SLC39A8: variants seen among roughly 807,000 people sequenced by gnomAD.
SLC39A8 encodes solute carrier family 39 member 8.
Under a neutral mutation model 40.4 loss-of-function variants are expected in SLC39A8, and 15 were observed. The ratio of observed to expected loss-of-function variants is 0.37; its 90% CI spans 0.25 to 0.57. SLC39A8 has a LOEUF of 0.57. SLC39A8 is among the 20% of genes least tolerant of loss of function. The probability of loss-of-function intolerance (pLI) is 0.75; values close to 1 mark genes in which losing one functional copy is unlikely to be tolerated. For missense variants in SLC39A8, 472 were observed against 558.8 expected (o/e 0.84, Z 1.57); for synonymous variants, 223 against 221.6 (o/e 1.01, Z -0.06).
chr4:102,337,853 T>C (rs931640916), intron 2 of SLC39A8, among the ~76,000 whole-genome samples: 34 of 152,182 alleles, frequency 2.2e-4, no homozygotes, highest in African/African-American at 7.5e-4. Context: ...TTAAAAAAAT[T>C]CATTATATAT....
At position 102,341,298 on chromosome 4, in the gene SLC39A8, T is replaced by C. The variant is rs577815902; in HGVS notation, c.219+3146A>G. Among the ~76,000 whole-genome samples, 3 of 152,170 alleles carry C rather than the reference T, an allele frequency of 2.0e-5. No homozygotes were observed. In the East Asian group the frequency reaches 5.8e-4, roughly 29 times the overall value. On this transcript the variant is annotated intron_variant, in intron 2 of 8. Transcript: ENST00000356736. ...CAGCTCAGTGTGATAATTTAGAAAA[T>C]AGGATCTTCCTTTTATCAGGCTGTT...
Position 102,322,340 on chromosome 4 carries a change from G to A in SLC39A8, c.220-6510C>T, listed in dbSNP as rs189583742. 3.8e-3 allele frequency among the ~76,000 whole-genome samples: 578 copies of A among 152,158 alleles called. 3 individuals carry two copies. Among genetic ancestry groups the A allele is most frequent in the African/African-American group, 0.013 (540 of 41,510 alleles). On this transcript the variant is annotated intron_variant, in intron 2 of 8. Coordinates refer to ENST00000356736, the MANE Select transcript of SLC39A8 (RefSeq NM_001135146.2). ...TGCACCCTGACTCTTAAGTTATGTG[G>A]GCCAATGAATTCCCTTTCGGCTTAA...
At chr4:102,273,515 G>A (rs544842992) in intron 6 of SLC39A8, among the ~76,000 whole-genome samples, 3 of 152,326 alleles carry the variant, frequency 2.0e-5, no homozygotes, top group Admixed American at 6.5e-5. Context: ...AGCTGTGGGC[G>A]CAGCTTCCGC....
rs1180460259 is a variant in SLC39A8, at chr4:102,262,606, G to T, written c.*438C>A. 1.0e-6 allele frequency: 1 copy of T among 984,900 alleles called. No homozygotes were observed. The highest frequency in any genetic ancestry group is 1.1e-4 in the East Asian group (1 of 8,958). 61.0% of individuals were successfully genotyped at this position (984,900 alleles called of 1,614,324 possible). ...TTACCTTCTACATTTTGATGTACTT[G>T]CTCTTGAAAGCACTAGAACAAATTA... On this transcript the variant is annotated 3_prime_UTR_variant, in exon 9 of 9. Coordinates refer to ENST00000356736, the MANE Select transcript of SLC39A8 (RefSeq NM_001135146.2).
intron 11 of SLC39A8, among the ~76,000 whole-genome samples, chr4:102,255,016 T>A (rs1022967866): frequency 1.3e-5 from 2 of 152,224 alleles, no homozygotes; most frequent in African/African-American, 4.8e-5. Context: ...TTTCTATGTA[T>A]TCCAAAGTGA....
At chr4:102,338,510 G>T (rs929082507) in intron 2 of SLC39A8, among the ~76,000 whole-genome samples, 1 of 152,016 alleles carries the variant, frequency 6.6e-6, no homozygotes, top group Admixed American at 6.6e-5. Flanking sequence ...TAATTATAAG[G>T]TCTCTGAGGA....
At chr4:102,273,650 G>A (rs1311851212) in intron 6 of SLC39A8, among the ~76,000 whole-genome samples, 1 of 152,164 alleles carries the variant, frequency 6.6e-6, no homozygotes, top group Non-Finnish European at 1.5e-5. Flanking sequence ...CCTCCTGACT[G>A]GGAGACACCT....
intron 8 of SLC39A8, among the ~76,000 whole-genome samples, chr4:102,264,632 A>G (rs976482365): frequency 2.0e-5 from 3 of 152,162 alleles, no homozygotes; most frequent in Admixed American, 6.5e-5. Context: ...TCTAGTATGG[A>G]AAGTCCTGGA....
intron 5 of SLC39A8, 90 bp downstream of exon 5, chr4:102,304,899 A>C: frequency 8.4e-7 from 1 of 1,188,652 alleles, no homozygotes; most frequent in Non-Finnish European, 1.2e-6. Flanking sequence ...CATTCTCATA[A>C]TTCTAAAAAT....
intron 2 of SLC39A8, among the ~76,000 whole-genome samples, chr4:102,343,147 T>A (rs1736016311): frequency 6.6e-6 from 1 of 152,146 alleles, no homozygotes; most frequent in African/African-American, 2.4e-5. Flanking sequence ...GACAATTTAC[T>A]AAAGAACATG....
At chr4:102,305,778 T>C (rs1734144278) in intron 4 of SLC39A8, among the ~76,000 whole-genome samples, 1 of 152,040 alleles carries the variant, frequency 6.6e-6, no homozygotes, top group African/African-American at 2.4e-5. Flanking sequence ...AGTTAGAGTT[T>C]GAAGTTATAA....
At chr4:102,278,070 G>C (rs1254340401) in intron 6 of SLC39A8, among the ~76,000 whole-genome samples, 1 of 152,144 alleles carries the variant, frequency 6.6e-6, no homozygotes, top group Non-Finnish European at 1.5e-5. Flanking sequence ...CAAGACATAG[G>C]TATGGGCAAA....
intron 6 of SLC39A8, among the ~76,000 whole-genome samples, chr4:102,277,843 C>A (rs1215598077): frequency 1.3e-5 from 2 of 152,178 alleles, no homozygotes; most frequent in Non-Finnish European, 2.9e-5. Context: ...ACATCTACAG[C>A]CATCTGATCT....
At chr4:102,278,650 A>C (rs1273766357) in intron 6 of SLC39A8, among the ~76,000 whole-genome samples, 2 of 152,156 alleles carry the variant, frequency 1.3e-5, no homozygotes, top group East Asian at 3.8e-4. Flanking sequence ...TATATACCCA[A>C]AGGATTATAA....
At chr4:102,339,822 A>G (rs569989429) in intron 2 of SLC39A8, among the ~76,000 whole-genome samples, 1 of 152,148 alleles carries the variant, frequency 6.6e-6, no homozygotes, top group East Asian at 1.9e-4. Context: ...ACTCCAATAC[A>G]TTCCACACTC....
intron 2 of SLC39A8, among the ~76,000 whole-genome samples, chr4:102,320,200 T>TAC (rs1734859418): frequency 7.3e-6 from 1 of 137,596 alleles, no homozygotes; most frequent in Non-Finnish European, 1.5e-5. Context: ...TGTATATATA[T>TAC]ATGTATATAT....
exon 12 of SLC39A8, chr4:102,252,069 G>C (rs1731605063): frequency 1.3e-5 from 2 of 152,270 alleles, no homozygotes; most frequent in African/African-American, 4.8e-5. Flanking sequence ...TATAAAAATG[G>C]CTTCCTTTCC....
intron 6 of SLC39A8, among the ~76,000 whole-genome samples, chr4:102,303,070 C>T (rs1183102992): frequency 6.6e-6 from 1 of 151,962 alleles, no homozygotes; most frequent in African/African-American, 2.4e-5. Flanking sequence ...ATAATCTCTT[C>T]CAGATTGCTC....
At chr4:102,295,634 A>G (rs1002621604) in intron 6 of SLC39A8, among the ~76,000 whole-genome samples, 2 of 151,994 alleles carry the variant, frequency 1.3e-5, no homozygotes, top group Admixed American at 6.6e-5. Context: ...GACTCAAGTG[A>G]TCCACCTGCC....
Sources: gnomAD v4.1 joint callset for allele counts (sites outside exome capture counted in the v4.1 genomes callset) on GRCh38, gnomAD v4.1.1 for gene constraint, MANE v1.5 for transcripts, NCBI Gene and HGNC (gene_info 2026-07-23, HGNC 2026-07-21) for gene names.